Variants in UBE3D observed in about 807,000 individuals in gnomAD.
UBE3D encodes ubiquitin protein ligase E3D, also known as E3 ubiquitin-protein ligase E3D.
In UBE3D, 48 loss-of-function variants were observed where a neutral mutation model predicts 49.6. That is an observed-to-expected ratio of 0.97 (90% confidence interval 0.77 to 1.23). The LOEUF (loss-of-function observed/expected upper bound fraction) is 1.23. UBE3D is among the 50% of genes most tolerant of loss of function. The pLI is 0.00. For synonymous variants in UBE3D, 189 were observed against 174.2 expected (o/e 1.08, Z -0.67); for missense variants, 452 against 468.4 (o/e 0.96, Z 0.32).
In UBE3D at chr6:83,044,469, C is replaced by A. The variant is rs142879257; in HGVS notation, c.556G>T (p.Val186Leu). ...TCAGAAGAAACACAGCACATCTCCACTGGGGATAGTTCAGGTCTTTGCTGC... is the reference window on the plus strand; with the variant it reads ...TCAGAAGAAACACAGCACATCTCCAATGGGGATAGTTCAGGTCTTTGCTGC... ...LWQQRPELSP[V>L]EMCCVSSDNH... is the part of the protein sequence containing the mutation. Residue 186 changes from valine (V) to leucine (L), a missense_variant, in exon 4 of 10, where the codon GTG becomes TTG. Coordinates refer to ENST00000369747, the MANE Select transcript of UBE3D (RefSeq NM_198920.3). 1 of 1,614,154 alleles carries A rather than the reference C, an allele frequency of 6.2e-7. No homozygotes were observed. Among genetic ancestry groups the A allele is most frequent in the South Asian group, 1.1e-5 (1 of 91,086 alleles).
At chr6:82,896,921 A>G (rs1010495185) in intron 9 of UBE3D, among the ~76,000 whole-genome samples, 2 of 151,778 alleles carry the variant, frequency 1.3e-5, no homozygotes, top group African/African-American at 4.8e-5. Context: ...TTGTATTTTT[A>G]GTAGAGATGG....
chr6:82,995,490 T>TCA lies in UBE3D; in HGVS notation c.1010+23481_1010+23482dup, dbSNP rs56663287. Reference sequence around the variant, plus strand: ...CCAGATAAAGGATTAATACTAACAATCACACACACACACACACACACACAC... The same window carrying TCA: ...CCAGATAAAGGATTAATACTAACAATCACACACACACACACACACACACACAC... On this transcript the variant is annotated intron_variant, in intron 8 of 9. Transcript: ENST00000369747. 2.9e-3 allele frequency among the ~76,000 whole-genome samples: 402 copies of TCA among 138,270 alleles called. 1 individual carries two copies. The highest frequency in any genetic ancestry group is 4.2e-3 in the Non-Finnish European group (270 of 64,370). The allele number at this position is 138,270 out of a possible 152,430, so 90.7% of individuals were successfully genotyped here.
At chr6:82,964,626 A>G (rs1776781119) in intron 8 of UBE3D, among the ~76,000 whole-genome samples, 1 of 152,186 alleles carries the variant, frequency 6.6e-6, no homozygotes, top group Non-Finnish European at 1.5e-5. Flanking sequence ...TACGCCAATG[A>G]TATGTCCATC....
Position 83,057,872 on chromosome 6 carries a change from T to C in UBE3D, c.228A>G (p.Gly76=). 1 of 1,614,166 alleles carries C rather than the reference T, an allele frequency of 6.2e-7. No homozygotes were observed. The highest frequency in any genetic ancestry group is 8.5e-7 in the Non-Finnish European group (1 of 1,180,028). The change falls in exon 2 of 10, where the codon GGA becomes GGG. Residue 76 remains glycine (G), a synonymous_variant. Coordinates refer to ENST00000369747, the MANE Select transcript of UBE3D (RefSeq NM_198920.3). ...SSCRGLQFVV[G]DGLHLRLQTQ... is the part of the protein sequence containing the mutation. Reference sequence around the variant, plus strand: ...TCTGCAGTCGCAGGTGCAGTCCATCTCCAACAACAAACTGTAGCCCACGGC... The same window carrying C: ...TCTGCAGTCGCAGGTGCAGTCCATCCCCAACAACAAACTGTAGCCCACGGC...
intron 8 of UBE3D, among the ~76,000 whole-genome samples, chr6:83,016,145 T>TTC (rs1217528183): frequency 6.6e-6 from 1 of 152,218 alleles, no homozygotes; most frequent in Non-Finnish European, 1.5e-5. Context: ...GGAGATAAGA[T>TTC]TCTCACTCAA....
chr6:83,057,913 G>A lies in UBE3D; in HGVS notation c.187C>T (p.Leu63Phe). Residue 63 changes from leucine (L) to phenylalanine (F), a missense_variant, in exon 2 of 10, where the codon CTT becomes TTT. Transcript: ENST00000369747. ...TEIQLPAEVR[L>F]VPSSCRGLQF... ...AGCCCACGGCAAGAGGAAGGTACAA[G>A]CCTGACCTCTGCTGGAAGCTGGATT... 1 of 1,614,206 alleles carries A rather than the reference G, an allele frequency of 6.2e-7. No individual in the cohort carries two copies. Among genetic ancestry groups the A allele is most frequent in the Non-Finnish European group, 8.5e-7 (1 of 1,180,030 alleles).
At chr6:83,024,611 C>G (rs752616287) in intron 5 of UBE3D, among the ~76,000 whole-genome samples, 1 of 152,108 alleles carries the variant, frequency 6.6e-6, no homozygotes, top group South Asian at 2.1e-4. Flanking sequence ...CTGGACCCAC[C>G]GTGAGATGGA....
chr6:82,985,008 C>CTTTTTTT (rs70987727), intron 8 of UBE3D, among the ~76,000 whole-genome samples: 91 of 52,954 alleles, frequency 1.7e-3, no homozygotes, highest in Admixed American at 1.8e-3. Context: ...TCTTCTTCTT[C>CTTTTTTT]TTTTTTTTTT....
intron 4 of UBE3D, among the ~76,000 whole-genome samples, chr6:83,043,427 A>G (rs2127818169): frequency 6.6e-6 from 1 of 152,184 alleles, no homozygotes; most frequent in East Asian, 1.9e-4. Flanking sequence ...GTAAAGTACT[A>G]CATTTCACCA....
intron 5 of UBE3D, among the ~76,000 whole-genome samples, chr6:83,031,643 C>T (rs529807359): frequency 4.6e-5 from 7 of 152,274 alleles, no homozygotes; most frequent in South Asian, 2.1e-4. Context: ...CAGAAATTTG[C>T]GTAAGTAACA....
chr6:82,963,571 T>C (rs12198542), intron 8 of UBE3D, among the ~76,000 whole-genome samples: 23,945 of 152,096 alleles, frequency 0.16, 1,898 homozygotes, highest in African/African-American at 0.17. Flanking sequence ...AGGAAGCATC[T>C]AGCATGGGAG....
intron 9 of UBE3D, among the ~76,000 whole-genome samples, chr6:82,954,964 A>G (rs936000419): frequency 1.3e-5 from 2 of 152,234 alleles, no homozygotes; most frequent in Non-Finnish European, 2.9e-5. Context: ...GAAACTGGAA[A>G]AGCATGTGTG....
chr6:82,948,573 A>G (rs180819831), intron 9 of UBE3D, among the ~76,000 whole-genome samples: 19 of 152,162 alleles, frequency 1.2e-4, no homozygotes, highest in Non-Finnish European at 1.5e-5. Flanking sequence ...AAAGAAAACT[A>G]CAAGCCAATT....
At chr6:82,882,916 G>A in the UBE3D span, among the ~76,000 whole-genome samples, 1 of 152,168 alleles carries the variant, frequency 6.6e-6, no homozygotes, top group Non-Finnish European at 1.5e-5. Context: ...CAGCTAATCA[G>A]AGAATGCAGC....
intron 8 of UBE3D, among the ~76,000 whole-genome samples, chr6:82,990,944 G>C (rs1465093966): frequency 6.8e-6 from 1 of 146,638 alleles, no homozygotes; most frequent in Non-Finnish European, 1.5e-5. Flanking sequence ...AACCATTTCA[G>C]ATACTTTTTG....
chr6:83,036,962 G>C (rs1289641199), intron 5 of UBE3D: 1 of 151,986 alleles, frequency 6.6e-6, no homozygotes, highest in African/African-American at 2.4e-5. Context: ...CAAAGAATCA[G>C]TGTCTGCAAG....
At position 83,054,197 on chromosome 6, in the gene UBE3D, A is replaced by C; in HGVS notation, c.316T>G (p.Cys106Gly). 1 of 1,614,096 alleles carries C rather than the reference A, an allele frequency of 6.2e-7. No individual in the cohort carries two copies. The highest frequency in any genetic ancestry group is 8.5e-7 in the Non-Finnish European group (1 of 1,179,984). Residue 106 changes from cysteine (C) to glycine (G), a missense_variant, in exon 3 of 10, where the codon TGT becomes GGT. Transcript: ENST00000369747. ...MFNQSSQTQE[C>G]CTFYCQSCGE... ...CAGGATTGGCAATAAAACGTGCAAC[A>C]TTCTTGGGTTTGCGAGCTTTGATTA...
chr6:82,893,635 A>G (rs1771099579), intron 9 of UBE3D, among the ~76,000 whole-genome samples: 1 of 152,182 alleles, frequency 6.6e-6, no homozygotes, highest in South Asian at 2.1e-4. Context: ...GTCAATCATA[A>G]ATGTTTAGAA....
chr6:83,025,905 A>T lies in UBE3D; in HGVS notation c.668-1867T>A, dbSNP rs956434958. ...CTTAAAAAAAAAAAAAAAAAAAAAA[A>T]GAAAAATTGTGTATGTATTGTGGCA... On this transcript the variant is annotated intron_variant, in intron 5 of 9. Transcript: ENST00000369747. 2.0e-4 allele frequency among the ~76,000 whole-genome samples: 25 copies of T among 127,482 alleles called. No individual in the cohort carries two copies. The Admixed American group carries it at 2.0e-3, about 10-fold the overall frequency. 83.6% of individuals were successfully genotyped at this position (127,482 alleles called of 152,430 possible). A position where few individuals can be genotyped will look rare whatever the true frequency, so the allele number is the denominator to read the frequency against.
Sources: allele counts gnomAD v4.1 joint callset (sites outside exome capture counted in the v4.1 genomes callset), GRCh38; gene constraint gnomAD v4.1.1; transcripts MANE v1.5; gene names NCBI Gene and HGNC (gene_info 2026-07-23, HGNC 2026-07-21).